The following CCBE1 variants were observed in gnomAD, a reference collection of about 807,000 sequenced individuals.
CCBE1 encodes the protein collagen and calcium binding EGF domains 1.
CCBE1 carries 37 observed loss-of-function variants against 50.0 expected under a neutral mutation model. The observed-to-expected ratio is 0.74, with a 90% CI of 0.57 to 0.97. The LOEUF (loss-of-function observed/expected upper bound fraction) is 0.97, where lower values mean the gene tolerates loss of function less well. Ranked by LOEUF, CCBE1 falls within the 50% of genes least tolerant of loss-of-function variation. CCBE1 has a pLI of 0.00. For missense variants in CCBE1, 538 were observed against 523.8 expected (o/e 1.03, Z -0.26); for synonymous variants, 234 against 203.7 (o/e 1.15, Z -1.27).
At chr18:59,690,342 T>C (rs186493336) in intron 2 of CCBE1, among the ~76,000 whole-genome samples, 2 of 152,346 alleles carry the variant, frequency 1.3e-5, no homozygotes, top group East Asian at 3.9e-4. Flanking sequence ...TATAGCTGTT[T>C]ACTTTTTCAT....
chr18:59,636,067 C>T (rs1015032669), intron 2 of CCBE1, among the ~76,000 whole-genome samples: 3 of 151,996 alleles, frequency 2.0e-5, no homozygotes, highest in East Asian at 1.9e-4. Context: ...GGAGGAGAAT[C>T]GTTTGAGCCC....
intron 2 of CCBE1, among the ~76,000 whole-genome samples, chr18:59,654,578 C>G (rs139963109): frequency 0.025 from 3,833 of 152,112 alleles, 184 homozygotes; most frequent in African/African-American, 0.088. Context: ...GAGCCGAGAT[C>G]GCGCCACTGT....
intron 2 of CCBE1, among the ~76,000 whole-genome samples, chr18:59,573,474 G>C (rs1233792330): frequency 6.6e-6 from 1 of 151,252 alleles, no homozygotes; most frequent in Non-Finnish European, 1.5e-5. Context: ...AGCTTACACT[G>C]TTTTAACTTA....
chr18:59,533,959 T>C (rs527954129), intron 2 of CCBE1, among the ~76,000 whole-genome samples: 93 of 152,360 alleles, frequency 6.1e-4, no homozygotes, highest in African/African-American at 2.2e-3. Context: ...CTATCATATG[T>C]CCTGTGCTCT....
Position 59,663,568 on chromosome 18 carries a change from G to A in CCBE1, c.212+33061C>T, listed in dbSNP as rs564631999. ...GATGTAGTTATGGATTGATGTCAGC[G>A]GGTAGACCAAGCCAGGAGGATGTCT... On this transcript the variant is annotated intron_variant, in intron 2 of 10. Coordinates refer to ENST00000439986, the MANE Select transcript of CCBE1 (RefSeq NM_133459.4). 5.9e-5 allele frequency among the ~76,000 whole-genome samples: 9 copies of A among 152,190 alleles called. No homozygotes were observed. In the South Asian group the frequency reaches 8.4e-4, roughly 14 times the overall value.
At chr18:59,558,462 CA>C (rs2052684963) in intron 2 of CCBE1, among the ~76,000 whole-genome samples, 1 of 152,192 alleles carries the variant, frequency 6.6e-6, no homozygotes, top group African/African-American at 2.4e-5. Flanking sequence ...GGCAGATGTC[CA>C]GCCAGAGTGA....
chr18:59,525,533 T>C (rs1034139899), intron 2 of CCBE1, among the ~76,000 whole-genome samples: 3 of 152,242 alleles, frequency 2.0e-5, no homozygotes, highest in Non-Finnish European at 1.5e-5. Context: ...GCAAAAATTT[T>C]CTCCTATTCT....
In CCBE1 at chr18:59,439,557, T is replaced by C; in HGVS notation, c.937A>G (p.Arg313Gly). The C allele has an allele frequency of 6.2e-7, 1 of 1,614,256 alleles. No homozygotes were observed. Among genetic ancestry groups the C allele is most frequent in the Non-Finnish European group, 8.5e-7 (1 of 1,180,042 alleles). Residue 313 changes from arginine to glycine, a missense_variant, in exon 9 of 11, where the codon AGA (arginine) becomes GGA (glycine). Arg to Gly is a moderately radical substitution (Grantham distance 125). Coordinates refer to ENST00000439986, the MANE Select transcript of CCBE1 (RefSeq NM_133459.4). ...ATAAGGCTTACCTTAGAACCATCTC[T>C]TCCTGGTGCCCCTGGTGGACCCTGT... The part of the protein sequence containing the change: ...GPVGPPGAPG[R>G]DGSKGERGAP...
At chr18:59,697,091 C>G in intron 1 of CCBE1, 121 bp downstream of exon 1, 5 of 1,353,796 alleles carry the variant, frequency 3.7e-6, no homozygotes, top group Non-Finnish European at 5.1e-6. Context: ...TCCTTATCCC[C>G]GGAGAAGTGA....
chr18:59,625,930 C>G (rs1331930270), intron 2 of CCBE1, among the ~76,000 whole-genome samples: 1 of 152,142 alleles, frequency 6.6e-6, no homozygotes, highest in Non-Finnish European at 1.5e-5. Context: ...CTGCCCACAC[C>G]TTTATCTTGG....
chr18:59,636,754 G>T (rs1277937584), intron 2 of CCBE1, among the ~76,000 whole-genome samples: 1 of 152,148 alleles, frequency 6.6e-6, no homozygotes, highest in East Asian at 1.9e-4. Context: ...ATCCAAGATA[G>T]AAGGAATAGT....
At chr18:59,661,163 C>T (rs537284593) in intron 2 of CCBE1, among the ~76,000 whole-genome samples, 14 of 152,254 alleles carry the variant, frequency 9.2e-5, no homozygotes, top group Admixed American at 2.0e-4. Context: ...ATCTGAGAGG[C>T]GTCTCTATGG....
intron 2 of CCBE1, among the ~76,000 whole-genome samples, chr18:59,517,803 A>G (rs1176092390): frequency 6.6e-6 from 1 of 152,220 alleles, no homozygotes; most frequent in East Asian, 1.9e-4. Flanking sequence ...AGCCACAACT[A>G]CTGAAAGTCT....
At chr18:59,589,607 C>T (rs541402810) in intron 2 of CCBE1, among the ~76,000 whole-genome samples, 11 of 151,692 alleles carry the variant, frequency 7.3e-5, no homozygotes, top group Non-Finnish European at 1.6e-4. Context: ...CATCCTGGCT[C>T]ACATGGTGAA....
intron 2 of CCBE1, among the ~76,000 whole-genome samples, chr18:59,625,437 A>AT (rs1374814726): frequency 1.5e-5 from 2 of 136,930 alleles, no homozygotes; most frequent in African/African-American, 2.6e-5. Flanking sequence ...TCTCAAAAAA[A>AT]AAAAAAAAAA....
chr18:59,461,490 C>A (rs1487601231), intron 5 of CCBE1, among the ~76,000 whole-genome samples: 1 of 151,988 alleles, frequency 6.6e-6, no homozygotes, highest in Non-Finnish European at 1.5e-5. Flanking sequence ...TCAAATATTC[C>A]TGGTTACTGG....
chr18:59,652,580 G>T (rs568054909), intron 2 of CCBE1, among the ~76,000 whole-genome samples: 1 of 152,170 alleles, frequency 6.6e-6, no homozygotes, highest in South Asian at 2.1e-4. Context: ...TGAAGAGAAA[G>T]AAAGAGGAGA....
chr18:59,586,413 G>A (rs1053682646), intron 2 of CCBE1, among the ~76,000 whole-genome samples: 3 of 152,214 alleles, frequency 2.0e-5, no homozygotes, highest in Non-Finnish European at 2.9e-5. Context: ...GTGAGTGGCT[G>A]AAATCCTCTG....
intron 2 of CCBE1, among the ~76,000 whole-genome samples, chr18:59,641,773 C>T (rs985218704): frequency 2.6e-5 from 4 of 152,058 alleles, no homozygotes; most frequent in East Asian, 1.9e-4. Flanking sequence ...AGGGATAACA[C>T]GCACACATGA....
Sources: gnomAD v4.1 joint callset for allele counts (sites outside exome capture counted in the v4.1 genomes callset) on GRCh38, gnomAD v4.1.1 for gene constraint, MANE v1.5 for transcripts, NCBI Gene and HGNC (gene_info 2026-07-23, HGNC 2026-07-21) for gene names.